LRBA: variants seen among roughly 807,000 people sequenced by gnomAD.
LRBA encodes LPS responsive beige-like anchor protein, also known as lipopolysaccharide-responsive and beige-like anchor protein.
LRBA carries 176 observed loss-of-function variants against 330.0 expected under a neutral mutation model. That is an observed-to-expected ratio of 0.53 (90% CI 0.47 to 0.60). LRBA has a LOEUF of 0.60. LRBA is among the 20% of genes least tolerant of loss of function. The pLI, the probability that LRBA is intolerant of heterozygous loss-of-function variation, is 0.00. For synonymous variants in LRBA, 1,230 were observed against 1,193.0 expected (o/e 1.03, Z -0.64); for missense variants, 3,259 against 3,444.8 (o/e 0.95, Z 1.35).
At chr4:150,278,676 G>A (rs1747122488) in intron 55 of LRBA, among the ~76,000 whole-genome samples, 1 of 152,134 alleles carries the variant, frequency 6.6e-6, no homozygotes, top group Non-Finnish European at 1.5e-5. Context: ...CTTTGATCCT[G>A]TAAAATGGGC....
chr4:150,793,754 G>GA (rs932796169), intron 34 of LRBA, among the ~76,000 whole-genome samples: 52 of 152,302 alleles, frequency 3.4e-4, no homozygotes, highest in African/African-American at 1.2e-3. Context: ...GTAGGGAAGA[G>GA]AGGGTAAAGG....
intron 2 of LRBA, among the ~76,000 whole-genome samples, chr4:150,976,181 A>G (rs1453972867): frequency 9.3e-5 from 14 of 151,208 alleles, no homozygotes; most frequent in African/African-American, 3.2e-4. Flanking sequence ...TCTTGAAAAA[A>G]AAAAAAAAAA....
chr4:150,653,122 C>T (rs957800448), intron 37 of LRBA, among the ~76,000 whole-genome samples: 1 of 152,064 alleles, frequency 6.6e-6, no homozygotes, highest in Non-Finnish European at 1.5e-5. Flanking sequence ...GCAGGAGGAT[C>T]GCTTGAGGCC....
chr4:150,437,509 A>C (rs79399855), intron 44 of LRBA, among the ~76,000 whole-genome samples: 29,765 of 143,976 alleles, frequency 0.21, 3,493 homozygotes, highest in Non-Finnish European at 0.28. Flanking sequence ...CTCTCTCTCT[A>C]TATATATATA....
chr4:150,852,180 G>C lies in LRBA; in HGVS notation c.3530C>G (p.Ser1177Cys), dbSNP rs1560915548. 1 of 1,614,126 alleles carries C rather than the reference G, an allele frequency of 6.2e-7. No homozygotes were observed. Among genetic ancestry groups the C allele is most frequent in the Admixed American group, 1.7e-5 (1 of 60,024 alleles). Residue 1177 changes from serine (S) to cysteine (C), a missense_variant, in exon 23 of 57, where the codon TCT becomes TGT. By Grantham distance (112) the Ser-to-Cys change is moderately radical (BLOSUM62 -1). Transcript: ENST00000651943. ...TGATGCTGTCATAGTCTGAATTCCAGAATCTTTAGAATCTTGAGTTTCAGT... is the reference window on the plus strand; with the variant it reads ...TGATGCTGTCATAGTCTGAATTCCACAATCTTTAGAATCTTGAGTTTCAGT... ...TDTETQDSKD[S>C]GIQTMTASGS...
At chr4:150,735,231 C>G in intron 36 of LRBA, 27 bp downstream of exon 36, 1 of 1,519,642 alleles carries the variant, frequency 6.6e-7, no homozygotes, top group Non-Finnish European at 9.1e-7. Flanking sequence ...CGGTAACTTC[C>G]GCACACCAAC....
At chr4:150,765,642 T>A (rs529335954) in intron 34 of LRBA, among the ~76,000 whole-genome samples, 1 of 152,260 alleles carries the variant, frequency 6.6e-6, no homozygotes, top group South Asian at 2.1e-4. Context: ...ATCCATTTGT[T>A]CTGATCCAAA....
At chr4:150,917,273 T>TCA (rs1346229822) in intron 5 of LRBA, among the ~76,000 whole-genome samples, 2 of 149,246 alleles carry the variant, frequency 1.3e-5, no homozygotes, top group African/African-American at 5.2e-5. Flanking sequence ...GTTAATTAAA[T>TCA]GAAAAAAAAA....
intron 30 of LRBA, among the ~76,000 whole-genome samples, chr4:150,822,756 A>C (rs1745642597): frequency 6.6e-6 from 1 of 152,180 alleles, no homozygotes; most frequent in African/African-American, 2.4e-5. Context: ...CGTCTCAAAA[A>C]TAAAATAAAT....
Position 150,299,591 on chromosome 4 carries a change from TA to T in LRBA, c.8017+3033del, listed in dbSNP as rs1729388987. ...TGTATATTAATATTAGATAATATGA[TA>T]TTTTTAAAACTTTGTCATACAGCTA... is the stretch of plus-strand genomic sequence containing the variant. On this transcript the variant is annotated intron_variant, in intron 53 of 56. Transcript: ENST00000651943. 2.6e-5 allele frequency among the ~76,000 whole-genome samples: 4 copies of T among 152,172 alleles called. No homozygotes were observed. In the South Asian group the frequency reaches 8.3e-4, roughly 32 times the overall value.
chr4:150,904,562 TAATAA>T (rs1731106996), intron 13 of LRBA, among the ~76,000 whole-genome samples: 1 of 152,102 alleles, frequency 6.6e-6, no homozygotes, highest in Admixed American at 6.5e-5. Context: ...ACTAAGTATC[TAATAA>T]GAGGCTTTCT....
At chr4:150,441,302 G>A (rs1208233232) in intron 44 of LRBA, among the ~76,000 whole-genome samples, 2 of 152,058 alleles carry the variant, frequency 1.3e-5, no homozygotes, top group Admixed American at 6.6e-5. Context: ...AAGCCTAAGA[G>A]TAAACAGTAG....
chr4:150,947,332 C>T (rs957983554), intron 2 of LRBA, among the ~76,000 whole-genome samples: 6 of 151,418 alleles, frequency 4.0e-5, no homozygotes, highest in Admixed American at 1.3e-4. Flanking sequence ...GAATTTTACA[C>T]CATGGCCAAG....
chr4:150,631,897 G>C (rs1561446995), intron 37 of LRBA, among the ~76,000 whole-genome samples: 1 of 152,204 alleles, frequency 6.6e-6, no homozygotes, highest in African/African-American at 2.4e-5. Context: ...ACTAAGAAGA[G>C]AGGTAAAGAT....
chr4:150,410,381 C>T (rs1227689989), intron 47 of LRBA, among the ~76,000 whole-genome samples: 1 of 152,168 alleles, frequency 6.6e-6, no homozygotes, highest in Non-Finnish European at 1.5e-5. Flanking sequence ...TATGAAAGGA[C>T]AGCATCTCTT....
intron 40 of LRBA, chr4:150,579,862 G>C (rs1481770396): frequency 8.0e-6 from 3 of 376,590 alleles, no homozygotes; most frequent in Admixed American, 3.0e-5. Flanking sequence ...CGAACCAGAC[G>C]CAACGACGAA....
chr4:150,912,780 T>G (rs963735231), intron 9 of LRBA, among the ~76,000 whole-genome samples: 4 of 152,178 alleles, frequency 2.6e-5, no homozygotes, highest in Admixed American at 2.6e-4. Context: ...CAGTTCCATG[T>G]TGTATAAATT....
intron 40 of LRBA, among the ~76,000 whole-genome samples, chr4:150,578,451 G>C (rs1470303571): frequency 1.3e-5 from 2 of 151,628 alleles, no homozygotes; most frequent in East Asian, 1.9e-4. Context: ...TTATTTCCAA[G>C]TTTCTGTACT....
intron 37 of LRBA, among the ~76,000 whole-genome samples, chr4:150,610,064 A>G (rs544816669): frequency 2.0e-5 from 3 of 152,232 alleles, no homozygotes; most frequent in African/African-American, 7.2e-5. Flanking sequence ...TTTTTTTTCT[A>G]TTACGTAGCA....
Sources: allele counts gnomAD v4.1 joint callset (sites outside exome capture counted in the v4.1 genomes callset), GRCh38; gene constraint gnomAD v4.1.1; transcripts MANE v1.5; gene names NCBI Gene and HGNC (gene_info 2026-07-23, HGNC 2026-07-21).